The following TAAR5 variants were observed in gnomAD, a reference collection of about 807,000 sequenced individuals.
TAAR5 encodes the protein trace amine associated receptor 5, also known as trace amine-associated receptor 5.
In TAAR5, 27 loss-of-function variants were observed where a neutral mutation model predicts 21.1. That is an observed-to-expected ratio of 1.28 (90% CI 0.94 to 1.76). TAAR5 has a LOEUF of 1.76. TAAR5 is among the 40% of genes most tolerant of loss of function. The pLI is 0.00. For missense variants in TAAR5, 495 were observed against 405.6 expected, an observed-to-expected ratio of 1.22 and a Z score of -1.89; for synonymous variants, 203 against 167.5, an observed-to-expected ratio of 1.21 and a Z score of -1.64.
At chr6:132,595,881 T>TGATCTGAA in the TAAR5 span, among the ~76,000 whole-genome samples, 1 of 152,374 alleles carries the variant, frequency 6.6e-6, no homozygotes, top group East Asian at 1.9e-4. Flanking sequence ...ACAATAATTA[T>TGATCTGAA]GATCTGAATA....
chr6:132,592,982 G>A (rs1776927668), upstream of TAAR5, among the ~76,000 whole-genome samples: 1 of 152,122 alleles, frequency 6.6e-6, no homozygotes, highest in South Asian at 2.1e-4. Context: ...CACAGACTTT[G>A]CCATATGCCC....
At chr6:132,594,084 G>C (rs1776943262), upstream of TAAR5, among the ~76,000 whole-genome samples, 1 of 152,198 alleles carries the variant, frequency 6.6e-6, no homozygotes. Flanking sequence ...TCAAGTTAAA[G>C]TAAGAAAATC....
chr6:132,615,500 G>T, the TAAR5 span, among the ~76,000 whole-genome samples: 1 of 151,572 alleles, frequency 6.6e-6, no homozygotes, highest in Non-Finnish European at 1.5e-5. Context: ...AAAAAGTTCA[G>T]TAAACAAAGA....
the TAAR5 span, among the ~76,000 whole-genome samples, chr6:132,606,701 G>A: frequency 2.0e-5 from 3 of 152,194 alleles, no homozygotes; most frequent in Non-Finnish European, 1.5e-5. Context: ...TAACGATGGT[G>A]ACAGGGAGGT....
At chr6:132,608,386 C>T in the TAAR5 span, 30 of 455,708 alleles carry the variant, frequency 6.6e-5, no homozygotes, top group Admixed American at 4.9e-4. Context: ...GTTGAAGTAC[C>T]GGAGCCACAC....
At position 132,589,017 on chromosome 6, in the gene TAAR5, C is replaced by T. The variant is rs768639360; in HGVS notation, c.670G>A (p.Val224Met). The T allele has an allele frequency of 1.2e-6, 2 of 1,613,910 alleles. No individual in the cohort carries two copies. Among genetic ancestry groups the T allele is most frequent in the Non-Finnish European group, 1.7e-6 (2 of 1,180,000 alleles). Residue 224 changes from valine (V) to methionine (M), a missense_variant, in exon 1 of 1, where the codon GTG becomes ATG. By Grantham distance (21) the Val-to-Met change is conservative. Coordinates refer to ENST00000258034, the MANE Select transcript of TAAR5 (RefSeq NM_003967.3). ...TGCTGAGCCTGTCTGGTAGCAACCA[C>T]AAAGATCTTCACATACAAGCTGATC... Reference protein sequence around the residue: ...IMISLYVKIFVVATRQAQQIT... With the variant: ...IMISLYVKIFMVATRQAQQIT...
rs1472003597 is a variant in TAAR5, at chr6:132,588,782, G to C, written c.905C>G (p.Pro302Arg). ...CTGGTAGGAAAAGACATAGATGATGGGGTTGCAGGCTGAGTTGAAGTAAGC... is the reference window on the plus strand; with the variant it reads ...CTGGTAGGAAAAGACATAGATGATGCGGTTGCAGGCTGAGTTGAAGTAAGC... ...WFAYFNSACN[P>R]IIYVFSYQWF... The change falls in exon 1 of 1, where the codon CCC (proline) becomes CGC (arginine). Residue 302 changes from proline to arginine, a missense_variant. Coordinates refer to ENST00000258034, the MANE Select transcript of TAAR5 (RefSeq NM_003967.3). 3.7e-6 allele frequency: 6 copies of C among 1,614,060 alleles called. No homozygotes were observed. In the African/African-American group the frequency reaches 6.7e-5, roughly 18 times the overall value.
the TAAR5 span, among the ~76,000 whole-genome samples, chr6:132,611,097 T>C: frequency 1.3e-5 from 2 of 151,966 alleles, no homozygotes; most frequent in Non-Finnish European, 2.9e-5. Context: ...TAAAAAAGAA[T>C]GAAATCTTGT....
chr6:132,598,872 G>T, the TAAR5 span, among the ~76,000 whole-genome samples: 1 of 152,164 alleles, frequency 6.6e-6, no homozygotes, highest in Non-Finnish European at 1.5e-5. Context: ...AGGAAGAGAA[G>T]AAGGATGGGA....
At chr6:132,606,183 C>G in the TAAR5 span, among the ~76,000 whole-genome samples, 55,658 of 151,872 alleles carry the variant, frequency 0.37, 10,518 homozygotes, top group African/African-American at 0.41. Context: ...ACGGATTCAT[C>G]CATACTCCAA....
At chr6:132,589,742 C>CAAA (rs567338856), upstream of TAAR5, 513 of 60,848 alleles carry the variant, frequency 8.4e-3, 37 homozygotes, top group East Asian at 0.011. Flanking sequence ...CACTGGAGGG[C>CAAA]AAAAAAAAAA....
the TAAR5 span, chr6:132,608,308 A>G: frequency 2.2e-6 from 1 of 450,940 alleles, no homozygotes; most frequent in Non-Finnish European, 4.4e-6. Context: ...TTTTCCTGAC[A>G]CTATGTACTT....
the TAAR5 span, among the ~76,000 whole-genome samples, chr6:132,607,498 G>A: frequency 6.6e-6 from 1 of 152,080 alleles, no homozygotes; most frequent in Non-Finnish European, 1.5e-5. Context: ...GAAGACTTTT[G>A]GAGAAAGTGG....
At chr6:132,600,807 A>AGGAAGGAAGGAGGGAG in the TAAR5 span, among the ~76,000 whole-genome samples, 1 of 129,204 alleles carries the variant, frequency 7.7e-6, no homozygotes, top group Non-Finnish European at 1.6e-5. Context: ...GGAGGAAGGA[A>AGGAAGGAAGGAGGGAG]GGAAGGAAGG....
In TAAR5 at chr6:132,589,346, TC is replaced by T. The variant is rs1562186422; in HGVS notation, c.340del (p.Asp114ThrfsTer35). On this transcript the variant is annotated frameshift_variant, in exon 1 of 1. Coordinates refer to ENST00000258034, the MANE Select transcript of TAAR5 (RefSeq NM_003967.3). LOFTEE classifies it high-confidence loss of function. ...DFLCRLHTYL[D>X]TLFCLTSIFH... ...GATGGAGGTGAGGCAGAAGAGGGTG[TC>T]CAGGTAGGTGTGCAGGCGGCAGAGG... 1 of 1,613,872 alleles carries T rather than the reference TC, an allele frequency of 6.2e-7. No individual in the cohort carries two copies. The highest frequency in any genetic ancestry group is 1.1e-5 in the South Asian group (1 of 91,066).
chr6:132,593,674 G>A (rs1776937660), upstream of TAAR5, among the ~76,000 whole-genome samples: 1 of 152,174 alleles, frequency 6.6e-6, no homozygotes, highest in Non-Finnish European at 1.5e-5. Context: ...ACACATGAAA[G>A]ACATGGACGC....
the TAAR5 span, among the ~76,000 whole-genome samples, chr6:132,599,480 C>T: frequency 8.6e-5 from 13 of 151,946 alleles, no homozygotes; most frequent in South Asian, 4.2e-4. Context: ...AGGCACCTGA[C>T]ACCATGCCTG....
At chr6:132,601,749 C>G in the TAAR5 span, among the ~76,000 whole-genome samples, 1 of 152,094 alleles carries the variant, frequency 6.6e-6, no homozygotes, top group Non-Finnish European at 1.5e-5. Flanking sequence ...AAATGAAACT[C>G]TAATATGTGA....
upstream of TAAR5, among the ~76,000 whole-genome samples, chr6:132,589,850 C>T (rs954059776): frequency 6.6e-6 from 1 of 151,192 alleles, no homozygotes; most frequent in Admixed American, 6.6e-5. Context: ...TAGTACAGTG[C>T]CCCTGGGTAC....
Sources: allele counts gnomAD v4.1 joint callset (sites outside exome capture counted in the v4.1 genomes callset), GRCh38; gene constraint gnomAD v4.1.1; transcripts MANE v1.5; gene names NCBI Gene and HGNC (gene_info 2026-07-23, HGNC 2026-07-21).